The following TFDP2 variants were observed in gnomAD, a reference collection of about 807,000 sequenced individuals.
TFDP2 encodes transcription factor Dp-2.
In TFDP2, 17 loss-of-function variants were observed where a neutral mutation model predicts 59.3. That is an observed-to-expected ratio of 0.29 (90% CI 0.20 to 0.43). The LOEUF (loss-of-function observed/expected upper bound fraction) is 0.43, where lower values mean the gene tolerates loss of function less well. TFDP2 is among the 20% of genes least tolerant of loss of function. The probability of loss-of-function intolerance (pLI) is 1.00; values close to 1 mark genes in which losing one functional copy is unlikely to be tolerated. For missense variants in TFDP2, 391 were observed against 528.8 expected, an observed-to-expected ratio of 0.74 and a Z score of 2.56; for synonymous variants, 180 against 194.7, an observed-to-expected ratio of 0.92 and a Z score of 0.63.
At chr3:142,148,250 C>T (rs183543094) in intron 1 of TFDP2, among the ~76,000 whole-genome samples, 23 of 152,138 alleles carry the variant, frequency 1.5e-4, no homozygotes, top group African/African-American at 5.3e-4. Flanking sequence ...GAGAGGGAGT[C>T]TGTGCCCTCT....
chr3:142,093,673 T>C (rs186761092), intron 2 of TFDP2, among the ~76,000 whole-genome samples: 3 of 152,280 alleles, frequency 2.0e-5, no homozygotes, highest in East Asian at 3.9e-4. Context: ...TCTAAAATGC[T>C]TTCAATACTA....
At chr3:141,989,876 TTAATAA>T (rs145896734) in intron 6 of TFDP2, among the ~76,000 whole-genome samples, 19 of 145,836 alleles carry the variant, frequency 1.3e-4, no homozygotes, top group African/African-American at 4.7e-4. Context: ...CAGATTTACT[TTAATAA>T]TAATAATAAT....
intron 3 of TFDP2, among the ~76,000 whole-genome samples, chr3:142,016,431 T>C (rs539695598): frequency 6.6e-6 from 1 of 152,104 alleles, no homozygotes; most frequent in East Asian, 1.9e-4. Flanking sequence ...CCCGAGTAGC[T>C]GGGACTACAG....
intron 6 of TFDP2, 122 bp downstream of exon 6, chr3:141,993,416 A>C (rs936085064): frequency 2.8e-5 from 16 of 566,494 alleles, no homozygotes; most frequent in African/African-American, 5.8e-5. Context: ...AATAATGGCA[A>C]GAACTGAAAG....
At chr3:142,100,549 T>G (rs184971745) in intron 2 of TFDP2, among the ~76,000 whole-genome samples, 127 of 152,282 alleles carry the variant, frequency 8.3e-4, no homozygotes, top group Non-Finnish European at 1.3e-3. Flanking sequence ...CTTTTTGTAT[T>G]TTTAGTAGAG....
intron 7 of TFDP2, 53 bp from the exon 8 acceptor site, chr3:141,974,244 C>T: frequency 6.8e-7 from 1 of 1,466,396 alleles, no homozygotes; most frequent in Non-Finnish European, 9.1e-7. Flanking sequence ...AAGATACAGT[C>T]ACATGATATG....
chr3:142,083,258 T>C lies in TFDP2; in HGVS notation c.82+9803A>G, dbSNP rs138775834. Among the ~76,000 whole-genome samples, 515 of 152,262 alleles carry C rather than the reference T, an allele frequency of 3.4e-3. 2 individuals carry two copies. The highest frequency in any genetic ancestry group is 0.012 in the African/African-American group (485 of 41,554). The stretch of plus-strand genomic sequence containing the variant: ...AAGTAATTAAAAGTAATCCCATTTA[T>C]AGTAGATACAAATGAAATTAAATAC... On this transcript the variant is annotated intron_variant, in intron 3 of 12. Coordinates refer to ENST00000489671, the MANE Select transcript of TFDP2 (RefSeq NM_001178139.2).
chr3:141,967,101 G>A (rs538006764), intron 9 of TFDP2, among the ~76,000 whole-genome samples: 189 of 151,210 alleles, frequency 1.2e-3, no homozygotes, highest in African/African-American at 3.8e-3. Flanking sequence ...ATTTTTAGTA[G>A]AGACGGGGTT....
chr3:142,018,540 G>C (rs1945324104), intron 3 of TFDP2, among the ~76,000 whole-genome samples: 1 of 151,918 alleles, frequency 6.6e-6, no homozygotes, highest in Non-Finnish European at 1.5e-5. Flanking sequence ...ACAGCTTACT[G>C]CAGCCTCAAA....
intron 3 of TFDP2, among the ~76,000 whole-genome samples, chr3:142,034,021 C>G (rs80217707): frequency 0.057 from 8,627 of 152,108 alleles, 306 homozygotes; most frequent in Middle Eastern, 0.11. Flanking sequence ...ATCATACTTC[C>G]CATCTCTCTT....
At chr3:142,132,846 A>C (rs1336225321) in intron 1 of TFDP2, among the ~76,000 whole-genome samples, 2 of 149,746 alleles carry the variant, frequency 1.3e-5, no homozygotes, top group Non-Finnish European at 2.9e-5. Flanking sequence ...TCCCAAAAGA[A>C]ACTAAAAGAA....
chr3:142,081,687 G>A (rs185897042), intron 3 of TFDP2, among the ~76,000 whole-genome samples: 321 of 152,238 alleles, frequency 2.1e-3, no homozygotes, highest in African/African-American at 7.5e-3. Context: ...TGGCTACTAG[G>A]AGCAACATGG....
chr3:141,954,904 G>GA (rs1421136753), intron 11 of TFDP2, among the ~76,000 whole-genome samples: 1 of 151,902 alleles, frequency 6.6e-6, no homozygotes, highest in Non-Finnish European at 1.5e-5. Context: ...TCCCACGTAG[G>GA]AAAAAAGTAA....
intron 3 of TFDP2, among the ~76,000 whole-genome samples, chr3:142,092,263 G>A (rs938904524): frequency 9.2e-5 from 14 of 152,132 alleles, no homozygotes; most frequent in African/African-American, 3.1e-4. Flanking sequence ...ACAAGATATT[G>A]TTCAAAGAGA....
At chr3:142,061,675 T>G (rs1253220572) in intron 3 of TFDP2, among the ~76,000 whole-genome samples, 4 of 152,082 alleles carry the variant, frequency 2.6e-5, no homozygotes, top group Admixed American at 2.6e-4. Flanking sequence ...GAATTGGGAC[T>G]TGTACCATCA....
At chr3:142,071,715 T>C (rs1382880027) in intron 3 of TFDP2, among the ~76,000 whole-genome samples, 1 of 152,114 alleles carries the variant, frequency 6.6e-6, no homozygotes, top group Non-Finnish European at 1.5e-5. Flanking sequence ...TCAAAAAGCC[T>C]TGTAAGTGAT....
rs1423243753 is a variant in TFDP2, at chr3:141,959,779, T to C, written c.946A>G (p.Lys316Glu). ...FEIHDDIEVL[K>E]RMGMSFGLES... Reference sequence around the variant, plus strand: ...AGGCCAAACGACATTCCCATCCGCTTTAGTACTTCTATGTCATCATGGATC... The same window carrying C: ...AGGCCAAACGACATTCCCATCCGCTCTAGTACTTCTATGTCATCATGGATC... The change falls in exon 11 of 13, where the codon AAG becomes GAG. Residue 316 changes from lysine to glutamate, a missense_variant. By Grantham distance (56) the Lys-to-Glu change is moderately conservative. This residue lies in a region of TFDP2 where 223 missense variants were observed against 292.5 expected (regional missense o/e 0.76). Transcript: ENST00000489671. 1 of 1,614,032 alleles carries C rather than the reference T, an allele frequency of 6.2e-7. No homozygotes were observed. Among genetic ancestry groups the C allele is most frequent in the African/African-American group, 1.3e-5 (1 of 74,918 alleles).
chr3:142,058,596 T>C (rs1240300811), intron 3 of TFDP2, among the ~76,000 whole-genome samples: 1 of 152,128 alleles, frequency 6.6e-6, no homozygotes, highest in African/African-American at 2.4e-5. Context: ...CAGAACTCAG[T>C]ATAGCACTTT....
rs759658026 is a variant in TFDP2 at position 141,949,807 on chromosome 3, A to ATTTTTTTTTTT, written c.*2695_*2705dup. ...CCTGGGCATTGTGACCACAACTTCC[A>ATTTTTTTTTTT]TTTTTTTTTTTTTTTTTTTTGAGAC... On this transcript the variant is annotated 3_prime_UTR_variant, in exon 13 of 13. Coordinates refer to ENST00000489671, the MANE Select transcript of TFDP2 (RefSeq NM_001178139.2). 1.2e-4 allele frequency: 12 copies of ATTTTTTTTTTT among 98,002 alleles called. No individual in the cohort carries two copies. The highest frequency in any genetic ancestry group is 1.7e-4 in the African/African-American group (4 of 22,944). The allele number at this position is 98,002 out of a possible 1,614,324, so 6.1% of individuals were successfully genotyped here.
Sources: gnomAD v4.1 joint callset for allele counts (sites outside exome capture counted in the v4.1 genomes callset) on GRCh38, gnomAD v4.1.1 for gene constraint, gnomAD v4.1.1 regional missense constraint, MANE v1.5 for transcripts, NCBI Gene and HGNC (gene_info 2026-07-23, HGNC 2026-07-21) for gene names.